Variants in CAPRIN1 observed in about 807,000 individuals in gnomAD.
The protein encoded by CAPRIN1 is cell cycle associated protein 1.
Under a neutral mutation model 100.9 loss-of-function variants are expected in CAPRIN1, and 29 were observed. The observed-to-expected ratio is 0.29, with a 90% CI of 0.21 to 0.39. The LOEUF is 0.39. Among genes scored for constraint, CAPRIN1 ranks in the 10% least tolerant of loss-of-function variants. The pLI is 1.00. For missense variants in CAPRIN1, 795 were observed against 876.7 expected (o/e 0.91, Z 1.18); for synonymous variants, 338 against 307.5 (o/e 1.10, Z -1.04).
At chr11:34,089,347 C>A in intron 11 of CAPRIN1, 48 bp from the exon 12 acceptor site, 1 of 970,774 alleles carries the variant, frequency 1.0e-6, no homozygotes, top group South Asian at 1.4e-5. Context: ...ACGCGTCTCT[C>A]TAAAAATTTA....
intron 9 of CAPRIN1, 83 bp downstream of exon 9, chr11:34,083,124 T>C (rs954417501): frequency 2.2e-6 from 2 of 912,646 alleles, no homozygotes; most frequent in Non-Finnish European, 3.6e-6. Context: ...ATTAAGATTG[T>C]TTTTTGCATT....
chr11:34,058,684 T>C (rs997352307), intron 2 of CAPRIN1, among the ~76,000 whole-genome samples: 5 of 152,208 alleles, frequency 3.3e-5, no homozygotes, highest in African/African-American at 1.2e-4. Flanking sequence ...AGAATATCGG[T>C]AAGGTAAAAT....
chr11:34,052,391 C>G (rs373063974), intron 1 of CAPRIN1, 30 bp from the exon 2 acceptor site: 2 of 1,585,754 alleles, frequency 1.3e-6, no homozygotes, highest in Non-Finnish European at 1.7e-6. Context: ...CTTCCTCCCG[C>G]TTTTTCTTCT....
chr11:34,091,277 A>C (rs1851258822), intron 14 of CAPRIN1, among the ~76,000 whole-genome samples: 1 of 152,198 alleles, frequency 6.6e-6, no homozygotes, highest in South Asian at 2.1e-4. Context: ...TACTGCATCC[A>C]GGAGTTTGTC....
At chr11:34,088,060 C>A (rs757816880) in intron 11 of CAPRIN1, among the ~76,000 whole-genome samples, 2 of 152,152 alleles carry the variant, frequency 1.3e-5, no homozygotes, top group African/African-American at 2.4e-5. Context: ...TGCAGTGGCG[C>A]ATTCTTGGCT....
chr11:34,085,271 T>C (rs1199436612), intron 9 of CAPRIN1, among the ~76,000 whole-genome samples: 1 of 152,158 alleles, frequency 6.6e-6, no homozygotes, highest in Non-Finnish European at 1.5e-5. Context: ...TGTAGCAGTT[T>C]AGATGAGTTG....
At chr11:34,084,151 ACCAT>A (rs1851090406) in intron 9 of CAPRIN1, among the ~76,000 whole-genome samples, 1 of 151,690 alleles carries the variant, frequency 6.6e-6, no homozygotes, top group Admixed American at 6.6e-5. Context: ...ATGGGGTTTC[ACCAT>A]TTTGGCCAGG....
At position 34,092,061 on chromosome 11, in the gene CAPRIN1, G is replaced by T; in HGVS notation, c.1705+5G>T. 1 of 1,612,884 alleles carries T rather than the reference G, an allele frequency of 6.2e-7. No individual in the cohort carries two copies. Among genetic ancestry groups the T allele is most frequent in the Non-Finnish European group, 8.5e-7 (1 of 1,179,592 alleles). Reference sequence around the variant, plus strand: ...AGCAAGAACAGCTTCAAACAGGTACGAAATCCAGTGTCACCTCATTGGCTC... The same window carrying T: ...AGCAAGAACAGCTTCAAACAGGTACTAAATCCAGTGTCACCTCATTGGCTC... On this transcript the variant is annotated splice_donor_5th_base_variant and intron_variant, in intron 15 of 18. Coordinates refer to ENST00000341394, the MANE Select transcript of CAPRIN1 (RefSeq NM_005898.5).
intron 2 of CAPRIN1, among the ~76,000 whole-genome samples, chr11:34,062,796 T>G (rs539767133): frequency 1.3e-5 from 2 of 152,256 alleles, no homozygotes; most frequent in Admixed American, 1.3e-4. Flanking sequence ...AGGCTTCATT[T>G]TTAAGTATTC....
intron 2 of CAPRIN1, among the ~76,000 whole-genome samples, chr11:34,054,502 A>G (rs1415746342): frequency 2.6e-5 from 4 of 151,660 alleles, no homozygotes; most frequent in Non-Finnish European, 5.9e-5. Context: ...ATCTCAGCTC[A>G]CTGCAACCTC....
At position 34,096,532 on chromosome 11, in the gene CAPRIN1, C is replaced by G. The variant is rs1198890837; in HGVS notation, c.1759C>G (p.His587Asp). The change falls in exon 16 of 19, where the codon CAC becomes GAC. Residue 587 changes from histidine to aspartate, a missense_variant. By Grantham distance (81) the His-to-Asp change is moderately conservative (BLOSUM62 -1). This residue lies in a region of CAPRIN1 where 648 missense variants were observed against 697.9 expected (regional missense o/e 0.93). Coordinates refer to ENST00000341394, the MANE Select transcript of CAPRIN1 (RefSeq NM_005898.5). Reference sequence around the variant, plus strand: ...CCAGTCCCATCAAGTGACTGGTAACCACCAGCAGCCTCCTCAGCAGAACAC... The same window carrying G: ...CCAGTCCCATCAAGTGACTGGTAACGACCAGCAGCCTCCTCAGCAGAACAC... Reference protein sequence around the residue: ...PDQSHQVTGNHQQPPQQNTGF... With the variant: ...PDQSHQVTGNDQQPPQQNTGF... 6.2e-7 allele frequency: 1 copy of G among 1,614,018 alleles called. No homozygotes were observed. Among genetic ancestry groups the G allele is most frequent in the South Asian group, 1.1e-5 (1 of 91,074 alleles).
chr11:34,076,531 G>A, intron 5 of CAPRIN1, 29 bp from the exon 6 acceptor site: 1 of 1,606,044 alleles, frequency 6.2e-7, no homozygotes, highest in Middle Eastern at 1.7e-4. Flanking sequence ...CAACTGAAAG[G>A]TTATTAATTA....
chr11:34,083,139 G>A, intron 9 of CAPRIN1, 98 bp downstream of exon 9: 1 of 801,770 alleles, frequency 1.2e-6, no homozygotes, highest in Non-Finnish European at 2.1e-6. Context: ...TGCATTATTA[G>A]TACATTTATT....
At chr11:34,076,680 G>A in intron 6 of CAPRIN1, 38 bp downstream of exon 6, 1 of 1,362,818 alleles carries the variant, frequency 7.3e-7, no homozygotes, top group Non-Finnish European at 1.0e-6. Flanking sequence ...TTATAACTAG[G>A]AATCTTTAAA....
intron 2 of CAPRIN1, among the ~76,000 whole-genome samples, chr11:34,055,302 T>A (rs1343352054): frequency 6.6e-6 from 1 of 151,858 alleles, no homozygotes; most frequent in Non-Finnish European, 1.5e-5. Context: ...TAGCTGTGAT[T>A]ACAAGTGTGC....
intron 2 of CAPRIN1, among the ~76,000 whole-genome samples, chr11:34,055,378 G>A (rs369537581): frequency 6.6e-6 from 1 of 152,106 alleles, no homozygotes; most frequent in Non-Finnish European, 1.5e-5. Flanking sequence ...GCTGGAGTGC[G>A]ACGATGTGAT....
intron 2 of CAPRIN1, among the ~76,000 whole-genome samples, chr11:34,070,298 C>CT (rs1433571940): frequency 1.4e-4 from 21 of 152,300 alleles, no homozygotes; most frequent in African/African-American, 5.1e-4. Flanking sequence ...AAGCTGTTGA[C>CT]TTGTGTATTA....
In CAPRIN1 at chr11:34,086,286, A is replaced by G. The variant is rs1475108751; in HGVS notation, c.1123-19A>G. ...TGTTTATATTATTTGACTTTATTCT[A>G]TCCTAACTTAACCTGTAGGATTCAA... On this transcript the variant is annotated intron_variant, in intron 10 of 18. Transcript: ENST00000341394. 1.9e-6 allele frequency: 3 copies of G among 1,610,098 alleles called. No homozygotes were observed. The highest frequency in any genetic ancestry group is 1.6e-4 in the Middle Eastern group (1 of 6,068).
At chr11:34,057,283 T>A (rs1850471615) in intron 2 of CAPRIN1, among the ~76,000 whole-genome samples, 2 of 152,214 alleles carry the variant, frequency 1.3e-5, no homozygotes, top group Admixed American at 1.3e-4. Context: ...CTTAATTTGT[T>A]TCCCTTTGCT....
Sources: allele counts gnomAD v4.1 joint callset (sites outside exome capture counted in the v4.1 genomes callset), GRCh38; gene constraint gnomAD v4.1.1; regional missense constraint gnomAD v4.1.1; transcripts MANE v1.5; gene names NCBI Gene and HGNC (gene_info 2026-07-23, HGNC 2026-07-21).